Variants in NIBAN1 observed in about 807,000 individuals in gnomAD.
NIBAN1 encodes the protein protein Niban 1.
Under a neutral mutation model 75.1 loss-of-function variants are expected in NIBAN1, and 81 were observed. The observed-to-expected ratio is 1.08, with a 90% confidence interval of 0.90 to 1.30. NIBAN1 has a LOEUF of 1.30. Among genes scored for constraint, NIBAN1 ranks in the 50% most tolerant of loss-of-function variants. The pLI is 0.00. For synonymous variants in NIBAN1, 436 were observed against 424.8 expected (o/e 1.03, Z -0.32); for missense variants, 1,133 against 1,128.1 (o/e 1.00, Z -0.06).
intron 4 of NIBAN1, among the ~76,000 whole-genome samples, chr1:184,889,236 T>G (rs1426946221): frequency 6.6e-6 from 1 of 152,180 alleles, no homozygotes; most frequent in Non-Finnish European, 1.5e-5. Context: ...TCAAAGAAGG[T>G]TAGACCTAGA....
rs140043486 is a variant in NIBAN1, at chr1:184,915,977, T to C, written c.56-16668A>G. Among the ~76,000 whole-genome samples the C allele has an allele frequency of 2.1e-3, 324 of 152,360 alleles. 1 individual carries two copies. The Middle Eastern group carries it at 0.027, about 13-fold the overall frequency. On this transcript the variant is annotated intron_variant, in intron 1 of 13. Coordinates refer to ENST00000367511, the MANE Select transcript of NIBAN1 (RefSeq NM_052966.4). ...ATTATATAACTGCCACAGAGAATTCTGAAATTTCAATATAGTTTCAGAAGT... is the reference window on the plus strand; with the variant it reads ...ATTATATAACTGCCACAGAGAATTCCGAAATTTCAATATAGTTTCAGAAGT...
chr1:184,889,931 G>A (rs527520715), intron 4 of NIBAN1, among the ~76,000 whole-genome samples, 177 bp downstream of exon 4: 1 of 152,236 alleles, frequency 6.6e-6, no homozygotes, highest in East Asian at 1.9e-4. Flanking sequence ...TAGCATCCCT[G>A]GCCTCTATTC....
intron 5 of NIBAN1, chr1:184,868,392 G>C (rs1189102524): frequency 3.3e-5 from 5 of 152,148 alleles, no homozygotes; most frequent in Admixed American, 6.6e-5. Flanking sequence ...CAAAGAACTG[G>C]TAATAGATAA....
intron 1 of NIBAN1, 73 bp from the exon 2 acceptor site, chr1:184,899,382 CATCCCTCCAGTCTCTCTGTTTCT>C (rs1306507522): frequency 1.3e-6 from 2 of 1,495,006 alleles, no homozygotes; most frequent in Non-Finnish European, 1.8e-6. Flanking sequence ...TTCCAAAAAC[CATCCCTCCAGTCTCTCTGTTTCT>C]ATCCCTCCAG....
At chr1:184,881,359 T>A (rs1178377269) in intron 5 of NIBAN1, among the ~76,000 whole-genome samples, 2 of 152,068 alleles carry the variant, frequency 1.3e-5, no homozygotes, top group African/African-American at 4.8e-5. Flanking sequence ...TGAATGAACA[T>A]GAAAATGTAG....
intron 1 of NIBAN1, among the ~76,000 whole-genome samples, chr1:184,930,711 A>G (rs1480218731): frequency 6.6e-6 from 1 of 152,228 alleles, no homozygotes; most frequent in African/African-American, 2.4e-5. Context: ...GCTTCTATAT[A>G]TAATCATACA....
At chr1:184,895,295 A>C (rs1571554396) in intron 2 of NIBAN1, among the ~76,000 whole-genome samples, 1 of 152,188 alleles carries the variant, frequency 6.6e-6, no homozygotes, top group Non-Finnish European at 1.5e-5. Flanking sequence ...TCTTATGTGC[A>C]GCTTTTCTTA....
chr1:184,921,761 A>T (rs1657560852), intron 1 of NIBAN1, among the ~76,000 whole-genome samples: 2 of 152,182 alleles, frequency 1.3e-5, no homozygotes, highest in Admixed American at 1.3e-4. Flanking sequence ...ATCAATAGTA[A>T]CCTCCAAATT....
chr1:184,834,062 A>C (rs1193946557), intron 5 of NIBAN1, among the ~76,000 whole-genome samples: 1 of 150,090 alleles, frequency 6.7e-6, no homozygotes, highest in Admixed American at 6.6e-5. Context: ...CCTGTGTGCA[A>C]GTGTTCTCAT....
chr1:184,865,649 T>A (rs115188722), intron 5 of NIBAN1, among the ~76,000 whole-genome samples: 1,571 of 152,118 alleles, frequency 0.01, 35 homozygotes, highest in African/African-American at 0.036. Flanking sequence ...GCTTAATGGG[T>A]CACAGCCAAC....
chr1:184,883,576 G>A (rs1656431791), intron 5 of NIBAN1, among the ~76,000 whole-genome samples: 1 of 152,204 alleles, frequency 6.6e-6, no homozygotes, highest in African/African-American at 2.4e-5. Flanking sequence ...GGAATGAGAA[G>A]TCTCTTTTAC....
chr1:184,855,598 C>A (rs1032159582), intron 5 of NIBAN1, among the ~76,000 whole-genome samples: 1 of 152,178 alleles, frequency 6.6e-6, no homozygotes, highest in East Asian at 1.9e-4. Flanking sequence ...TCAACCCCAG[C>A]ACTCCTGGAT....
chr1:184,961,210 A>C (rs1289058554), intron 1 of NIBAN1, among the ~76,000 whole-genome samples: 1 of 151,264 alleles, frequency 6.6e-6, no homozygotes, highest in Non-Finnish European at 1.5e-5. Context: ...CTGGGACTAC[A>C]GGCGCCTGCC....
At chr1:184,910,911 T>C (rs906640112) in intron 1 of NIBAN1, among the ~76,000 whole-genome samples, 1 of 152,188 alleles carries the variant, frequency 6.6e-6, no homozygotes, top group Non-Finnish European at 1.5e-5. Flanking sequence ...GCTTTGGACA[T>C]GCACTGGAGC....
intron 5 of NIBAN1, among the ~76,000 whole-genome samples, chr1:184,874,868 T>A (rs1656193080): frequency 7.1e-6 from 1 of 140,970 alleles, no homozygotes; most frequent in South Asian, 2.1e-4. Context: ...CATATAAGGC[T>A]ATAGAATATA....
At chr1:184,883,876 C>A (rs1026878772) in intron 5 of NIBAN1, among the ~76,000 whole-genome samples, 1 of 151,926 alleles carries the variant, frequency 6.6e-6, no homozygotes, top group African/African-American at 2.4e-5. Context: ...CTCATCTTAA[C>A]TGAGTAACTG....
intron 1 of NIBAN1, among the ~76,000 whole-genome samples, chr1:184,924,685 A>G (rs967267225): frequency 6.6e-6 from 1 of 152,012 alleles, no homozygotes; most frequent in African/African-American, 2.4e-5. Context: ...TTTGCTATAT[A>G]TTTATTACAG....
chr1:184,922,366 C>T (rs182397569), intron 1 of NIBAN1, among the ~76,000 whole-genome samples: 94 of 152,008 alleles, frequency 6.2e-4, no homozygotes, highest in Admixed American at 1.1e-3. Flanking sequence ...CATTTTTTTA[C>T]CTATTAATCA....
rs747037585 is a variant in NIBAN1, at chr1:184,796,104, G to A, written c.1667-7C>T. 6.7e-7 allele frequency: 1 copy of A among 1,498,462 alleles called. No homozygotes were observed. Among genetic ancestry groups the A allele is most frequent in the Non-Finnish European group, 8.9e-7 (1 of 1,129,012 alleles). 92.8% of individuals were successfully genotyped at this position (1,498,462 alleles called of 1,614,324 possible). A position where few individuals can be genotyped will look rare whatever the true frequency, so the allele number is the denominator to read the frequency against. On this transcript the variant is annotated splice_region_variant and splice_polypyrimidine_tract_variant and intron_variant, in intron 13 of 13. Coordinates refer to ENST00000367511, the MANE Select transcript of NIBAN1 (RefSeq NM_052966.4). ...ATAGCAGCTTCCTTTATCACTGAGA[G>A]ATATCAGAAAACAAAACATGATTTT...
Sources: allele counts gnomAD v4.1 joint callset (sites outside exome capture counted in the v4.1 genomes callset), GRCh38; gene constraint gnomAD v4.1.1; transcripts MANE v1.5; gene names NCBI Gene and HGNC (gene_info 2026-07-23, HGNC 2026-07-21).